The following SLC9A3 variants were observed in gnomAD, a reference collection of about 807,000 sequenced individuals.
SLC9A3 encodes solute carrier family 9 member A3.
SLC9A3 carries 37 observed loss-of-function variants against 86.8 expected under a neutral mutation model. The observed-to-expected ratio is 0.43, with a 90% confidence interval of 0.33 to 0.56. SLC9A3 has a LOEUF of 0.56. SLC9A3 is among the 20% of genes least tolerant of loss of function. The pLI is 0.06. For missense variants in SLC9A3, 1,011 were observed against 1,171.9 expected, an observed-to-expected ratio of 0.86 and a Z score of 2.00; for synonymous variants, 581 against 528.3, an observed-to-expected ratio of 1.10 and a Z score of -1.37.
In SLC9A3 at chr5:524,203, C is replaced by G; in HGVS notation, c.120G>C (p.Gly40=). 2 of 1,533,208 alleles carry G rather than the reference C, an allele frequency of 1.3e-6. No individual in the cohort carries two copies. Among genetic ancestry groups the G allele is most frequent in the Non-Finnish European group, 1.8e-6 (2 of 1,142,822 alleles). The allele number at this position is 1,533,208 out of a possible 1,614,324, so 95.0% of individuals were successfully genotyped here. A position where few individuals can be genotyped will look rare whatever the true frequency, so the allele number is the denominator to read the frequency against. ...VEPGGAHGES[G]GFQVVTFEWA... Reference sequence around the variant, plus strand: ...ACTCGAAGGTGACCACCTGGAAGCCCCCGCTCTCGCCGTGCGCGCCGCCGG... The same window carrying G: ...ACTCGAAGGTGACCACCTGGAAGCCGCCGCTCTCGCCGTGCGCGCCGCCGG... Residue 40 remains glycine (G), a synonymous_variant, in exon 1 of 17, where the codon GGG becomes GGC. Transcript: ENST00000264938.
rs138322600 is a variant in SLC9A3 at position 477,434 on chromosome 5, C to T, written c.1658G>A (p.Arg553His). 25 of 1,611,570 alleles carry T rather than the reference C, an allele frequency of 1.6e-5. No individual in the cohort carries two copies. Among genetic ancestry groups the T allele is most frequent in the African/African-American group, 4.0e-5 (3 of 74,850 alleles). ...GGAGCGGATGAAGGCCAGGGACCCG[C>T]GGCGCTCTCCCTGTGGTCAGGAAGC... is the stretch of plus-strand genomic sequence containing the variant. Reference protein sequence around the residue: ...AISYVAEGERRGSLAFIRSPS... With the variant: ...AISYVAEGERHGSLAFIRSPS... The change falls in exon 11 of 17, where the codon CGC (arginine) becomes CAC (histidine). Residue 553 changes from arginine (R) to histidine (H), a missense_variant. Physicochemically the swap from Arg to His is conservative, Grantham distance 29. Transcript: ENST00000264938.
chr5:480,019 G>A (rs1423702226), intron 9 of SLC9A3, 54 bp from the exon 10 acceptor site: 9 of 1,583,234 alleles, frequency 5.7e-6, no homozygotes, highest in African/African-American at 1.3e-5. Context: ...CCTAGAGCCC[G>A]CCGGACGCGT....
chr5:502,043 A>G (rs116739139), intron 1 of SLC9A3, among the ~76,000 whole-genome samples: 1,990 of 152,380 alleles, frequency 0.013, 44 homozygotes, highest in African/African-American at 0.045. Context: ...CGCTCAAGTC[A>G]CAAGGCGTTT....
chr5:504,860 G>C (rs911202156), intron 1 of SLC9A3, among the ~76,000 whole-genome samples: 1 of 151,976 alleles, frequency 6.6e-6, no homozygotes, highest in African/African-American at 2.4e-5. Flanking sequence ...GGCATACAGC[G>C]GGGGCTCACA....
chr5:508,869 G>A (rs985290094), intron 1 of SLC9A3, among the ~76,000 whole-genome samples: 11 of 152,194 alleles, frequency 7.2e-5, no homozygotes, highest in African/African-American at 2.7e-4. Context: ...AGCACTTTGG[G>A]AGGCTAACGC....
At chr5:493,077 C>T (rs1207255620) in intron 1 of SLC9A3, among the ~76,000 whole-genome samples, 1 of 151,984 alleles carries the variant, frequency 6.6e-6, no homozygotes, top group African/African-American at 2.4e-5. Flanking sequence ...CAGGCACCAA[C>T]CTATCTGGGC....
chr5:473,785 C>T (rs945732639), intron 16 of SLC9A3, among the ~76,000 whole-genome samples: 2 of 152,214 alleles, frequency 1.3e-5, no homozygotes, highest in African/African-American at 4.8e-5. Context: ...CCCCACGGCC[C>T]GCCCCTCTCC....
intron 9 of SLC9A3, chr5:480,186 C>T (rs1739073538): frequency 6.0e-6 from 3 of 501,758 alleles, no homozygotes; most frequent in Non-Finnish European, 1.1e-5. Context: ...AAACTGCATG[C>T]CGCCTCCTCC....
rs1418901619 is a variant in SLC9A3, at chr5:496,054, C to T, written c.212-3983G>A. Among the ~76,000 whole-genome samples the T allele has an allele frequency of 6.6e-6, 1 of 152,260 alleles. No homozygotes were observed. Among genetic ancestry groups the T allele is most frequent in the Non-Finnish European group, 1.5e-5 (1 of 68,052 alleles). On this transcript the variant is annotated intron_variant, in intron 1 of 16. Transcript: ENST00000264938. This position sits in a 1 kb window ranked among gnomAD's most constrained non-coding sequence, Gnocchi z 4.7. ...CAGGCTGGCTTCAGACCAAACACTC[C>T]TGCTCAGAAGTAAGCCCTTAAAATC...
At chr5:488,222 C>T in intron 3 of SLC9A3, 94 bp downstream of exon 3, 1 of 1,401,948 alleles carries the variant, frequency 7.1e-7, no homozygotes. Flanking sequence ...GACAGGGTTT[C>T]ACGCCCTCCT....
intron 1 of SLC9A3, among the ~76,000 whole-genome samples, chr5:500,203 C>T (rs746403749): frequency 3.1e-4 from 47 of 152,250 alleles, no homozygotes; most frequent in Non-Finnish European, 4.3e-4. Context: ...GGGAACCAGG[C>T]GGTGTGGGAC....
intron 1 of SLC9A3, among the ~76,000 whole-genome samples, chr5:502,454 G>A (rs746892342): frequency 4.6e-5 from 7 of 152,230 alleles, no homozygotes; most frequent in Admixed American, 6.5e-5. Flanking sequence ...CAGACCCAGC[G>A]GCGCCTACCA....
At chr5:475,443 A>G in intron 15 of SLC9A3, 118 bp downstream of exon 15, 1 of 673,734 alleles carries the variant, frequency 1.5e-6, no homozygotes, top group East Asian at 2.7e-5. Flanking sequence ...GCCCTTGAGA[A>G]CCCACAGGAG....
chr5:517,405 T>C (rs1035048223), intron 1 of SLC9A3, among the ~76,000 whole-genome samples: 2 of 149,762 alleles, frequency 1.3e-5, no homozygotes, highest in African/African-American at 2.5e-5. Context: ...ATCCATTCAT[T>C]CATCCATCCA....
intron 1 of SLC9A3, among the ~76,000 whole-genome samples, chr5:504,229 C>T (rs575728646): frequency 3.2e-5 from 2 of 63,366 alleles, no homozygotes; most frequent in African/African-American, 1.5e-4. Context: ...GGGGCTGCCG[C>T]CAGCTCCGGA....
chr5:481,551 T>G lies in SLC9A3; in HGVS notation c.1517+14A>C. On this transcript the variant is annotated intron_variant, in intron 9 of 16. Transcript: ENST00000264938. ...GGGCTGTGCGACACCGCCGGGGCCGTCCCAGCCACTTACTTGTCTCTGAGA... is the reference window on the plus strand; with the variant it reads ...GGGCTGTGCGACACCGCCGGGGCCGGCCCAGCCACTTACTTGTCTCTGAGA... The G allele has an allele frequency of 6.2e-7, 1 of 1,609,456 alleles. No homozygotes were observed. The highest frequency in any genetic ancestry group is 8.5e-7 in the Non-Finnish European group (1 of 1,175,930).
chr5:522,503 T>C (rs180857892), intron 1 of SLC9A3, among the ~76,000 whole-genome samples: 65 of 152,296 alleles, frequency 4.3e-4, no homozygotes, highest in Non-Finnish European at 6.2e-4. Flanking sequence ...CTCACGCCTG[T>C]CATCCCAGCA....
chr5:485,124 C>A (rs1490037906), intron 4 of SLC9A3, 29 bp downstream of exon 4: 4 of 1,562,282 alleles, frequency 2.6e-6, no homozygotes, highest in Non-Finnish European at 2.6e-6. Flanking sequence ...GACACGGCCG[C>A]CCACTCCCCC....
intron 3 of SLC9A3, among the ~76,000 whole-genome samples, chr5:487,040 C>CGTGAT (rs1400444449): frequency 7.9e-4 from 12 of 15,206 alleles, no homozygotes; most frequent in African/African-American, 1.8e-3. Flanking sequence ...ACACTGACAC[C>CGTGAT]CACCGCACTG....
Sources: gnomAD v4.1 joint callset for allele counts (sites outside exome capture counted in the v4.1 genomes callset) on GRCh38, gnomAD v4.1.1 for gene constraint, Gnocchi (gnomAD v3.1) non-coding constraint, MANE v1.5 for transcripts, NCBI Gene and HGNC (gene_info 2026-07-23, HGNC 2026-07-21) for gene names.